FCHO2: variants seen among roughly 807,000 people sequenced by gnomAD.
FCHO2 encodes the protein FCH and mu domain containing endocytic adaptor 2, also known as F-BAR domain only protein 2.
FCHO2 carries 43 observed loss-of-function variants against 114.1 expected under a neutral mutation model. The ratio of observed to expected loss-of-function variants is 0.38; its 90% CI spans 0.30 to 0.49. The LOEUF is 0.49. Ranked by LOEUF, FCHO2 falls within the 20% of genes least tolerant of loss-of-function variation. FCHO2 has a pLI of 0.97. For synonymous variants in FCHO2, 293 were observed against 315.2 expected, an observed-to-expected ratio of 0.93 and a Z score of 0.75; for missense variants, 807 against 950.4, an observed-to-expected ratio of 0.85 and a Z score of 1.98.
intron 5 of FCHO2, among the ~76,000 whole-genome samples, chr5:72,994,242 C>T (rs1753960443): frequency 6.6e-6 from 1 of 151,918 alleles, no homozygotes; most frequent in South Asian, 2.1e-4. Flanking sequence ...ATGCATCTGA[C>T]AAAGGTCTGA....
intron 9 of FCHO2, among the ~76,000 whole-genome samples, chr5:73,035,805 A>G (rs913453532): frequency 2.0e-5 from 3 of 151,930 alleles, no homozygotes; most frequent in African/African-American, 7.3e-5. Context: ...CCCAGTCTCT[A>G]CTGCTCAATT....
intron 2 of FCHO2, among the ~76,000 whole-genome samples, chr5:72,976,723 T>C (rs569359091): frequency 6.6e-6 from 1 of 152,212 alleles, no homozygotes; most frequent in East Asian, 1.9e-4. Flanking sequence ...GCTGCACCCA[T>C]GAACCTGTCA....
At chr5:72,996,774 G>A (rs1187650669) in intron 5 of FCHO2, 18 of 612,106 alleles carry the variant, frequency 2.9e-5, no homozygotes, top group East Asian at 5.6e-5. Context: ...TTTCTGAGCC[G>A]CTTGCTCCAT....
intron 11 of FCHO2, among the ~76,000 whole-genome samples, chr5:73,048,888 T>G (rs937984670): frequency 6.9e-6 from 1 of 145,706 alleles, no homozygotes; most frequent in East Asian, 2.0e-4. Context: ...TTTTTTTTTT[T>G]TTTTTTGAGA....
intron 19 of FCHO2, among the ~76,000 whole-genome samples, chr5:73,073,161 T>G (rs1742742354): frequency 6.6e-6 from 1 of 152,032 alleles, no homozygotes; most frequent in African/African-American, 2.4e-5. Flanking sequence ...TGACACTTGA[T>G]CAGGCCACTA....
intron 23 of FCHO2, among the ~76,000 whole-genome samples, 154 bp from the exon 24 acceptor site, chr5:73,082,601 ACTATAT>A (rs1743155749): frequency 6.6e-6 from 1 of 152,244 alleles, no homozygotes; most frequent in African/African-American, 2.4e-5. Flanking sequence ...TTATGTTTAT[ACTATAT>A]CATAAACACA....
chr5:73,036,515 A>AGGC, intron 9 of FCHO2, among the ~76,000 whole-genome samples: 1 of 152,034 alleles, frequency 6.6e-6, no homozygotes, highest in Admixed American at 6.6e-5. Context: ...CTAGGACCAC[A>AGGC]GGCGCGCACC....
At chr5:73,030,128 G>A (rs1157073539) in intron 8 of FCHO2, among the ~76,000 whole-genome samples, 2 of 147,608 alleles carry the variant, frequency 1.4e-5, no homozygotes, top group Admixed American at 1.4e-4. Context: ...TGCAACCTCC[G>A]CCTCCTGGGT....
chr5:73,004,152 T>C (rs769618679), intron 5 of FCHO2, among the ~76,000 whole-genome samples: 7 of 151,674 alleles, frequency 4.6e-5, no homozygotes, highest in Non-Finnish European at 8.8e-5. Flanking sequence ...CAAACTAAAA[T>C]TTATTTGCAT....
At chr5:73,018,615 A>G (rs1025647128) in intron 8 of FCHO2, among the ~76,000 whole-genome samples, 3 of 151,778 alleles carry the variant, frequency 2.0e-5, no homozygotes, top group Non-Finnish European at 4.4e-5. Context: ...AGTTTGCTAT[A>G]CAGCCAAAAG....
chr5:72,970,622 A>T (rs1341223084), intron 2 of FCHO2, among the ~76,000 whole-genome samples: 1 of 151,944 alleles, frequency 6.6e-6, no homozygotes, highest in Non-Finnish European at 1.5e-5. Flanking sequence ...TTCACAGGGT[A>T]TCAGTCTCTG....
In FCHO2 at chr5:73,064,064, A is replaced by G. The variant is rs928742185; in HGVS notation, c.1449+120A>G. On this transcript the variant is annotated intron_variant, in intron 18 of 25. Coordinates refer to ENST00000430046, the MANE Select transcript of FCHO2 (RefSeq NM_138782.3). Reference sequence around the variant, plus strand: ...AGTTTTCTACCCATGTCCTCACAGTATAGAAAAATTTTCCCAGCTAGTGCT... The same window carrying G: ...AGTTTTCTACCCATGTCCTCACAGTGTAGAAAAATTTTCCCAGCTAGTGCT... 3.5e-5 allele frequency: 33 copies of G among 937,330 alleles called. No homozygotes were observed. In the South Asian group the frequency reaches 5.6e-4, roughly 16 times the overall value. The allele number at this position is 937,330 out of a possible 1,614,324, so 58.1% of individuals were successfully genotyped here.
intron 5 of FCHO2, among the ~76,000 whole-genome samples, chr5:72,993,381 T>A (rs1004475806): frequency 6.6e-6 from 1 of 152,112 alleles, no homozygotes; most frequent in Non-Finnish European, 1.5e-5. Context: ...TTACCAACAT[T>A]CATCTAATAC....
chr5:73,045,703 A>T (rs888126002), intron 11 of FCHO2, among the ~76,000 whole-genome samples: 1 of 152,076 alleles, frequency 6.6e-6, no homozygotes, highest in African/African-American at 2.4e-5. Context: ...AATTGTTTCC[A>T]TCCTTTTTCT....
chr5:73,053,562 G>A (rs1757433069), intron 13 of FCHO2, among the ~76,000 whole-genome samples: 1 of 152,160 alleles, frequency 6.6e-6, no homozygotes, highest in African/African-American at 2.4e-5. Flanking sequence ...GGTCGTGGTG[G>A]CATGCGCCTT....
At chr5:73,027,750 G>A (rs929316025) in intron 8 of FCHO2, among the ~76,000 whole-genome samples, 3 of 152,018 alleles carry the variant, frequency 2.0e-5, no homozygotes, top group African/African-American at 7.2e-5. Flanking sequence ...TACAAAAGGT[G>A]ACCAAAAGAT....
At chr5:73,042,320 G>A (rs886550013) in intron 11 of FCHO2, among the ~76,000 whole-genome samples, 2 of 152,022 alleles carry the variant, frequency 1.3e-5, no homozygotes, top group African/African-American at 4.8e-5. Flanking sequence ...CAGCAGATGT[G>A]TTTGGCATTA....
intron 11 of FCHO2, among the ~76,000 whole-genome samples, chr5:73,044,186 A>G (rs1404196984): frequency 2.0e-5 from 3 of 152,190 alleles, no homozygotes; most frequent in African/African-American, 7.2e-5. Flanking sequence ...TACAGCCTGT[A>G]GAACTGTGAA....
At chr5:73,061,272 C>A (rs1320704968) in intron 17 of FCHO2, among the ~76,000 whole-genome samples, 2 of 151,840 alleles carry the variant, frequency 1.3e-5, no homozygotes, top group Non-Finnish European at 2.9e-5. Context: ...TAATTTTGGA[C>A]CTTCAGTTTT....
Sources: gnomAD v4.1 joint callset for allele counts (sites outside exome capture counted in the v4.1 genomes callset) on GRCh38, gnomAD v4.1.1 for gene constraint, MANE v1.5 for transcripts, NCBI Gene and HGNC (gene_info 2026-07-23, HGNC 2026-07-21) for gene names.